Variants in HYDIN observed in about 807,000 individuals in gnomAD.
HYDIN encodes the protein HYDIN axonemal central pair apparatus protein.
In HYDIN, 132 loss-of-function variants were observed where a neutral mutation model predicts 403.9. The observed-to-expected ratio is 0.33, with a 90% CI of 0.28 to 0.38. The LOEUF is 0.38. Among genes scored for constraint, HYDIN ranks in the 10% least tolerant of loss-of-function variants. The pLI is 1.00. For missense variants in HYDIN, 2,827 were observed against 5,009.5 expected (o/e 0.56, Z 13.15); for synonymous variants, 1,202 against 1,891.7 (o/e 0.64, Z 9.46).
At chr16:70,916,872 CCT>C (rs767528641) in intron 47 of HYDIN, among the ~76,000 whole-genome samples, 2 of 151,772 alleles carry the variant, frequency 1.3e-5, no homozygotes, top group African/African-American at 2.4e-5. Flanking sequence ...TTGCTTCCTT[CCT>C]CTGTTTTTCT....
chr16:70,833,367 CAT>C (rs1200418068), intron 79 of HYDIN, among the ~76,000 whole-genome samples: 9 of 137,336 alleles, frequency 6.6e-5, no homozygotes, highest in African/African-American at 1.2e-4. Flanking sequence ...CACACATACA[CAT>C]GTGTCGTGTA....
chr16:70,804,319 G>T lies in HYDIN; in HGVS notation c.*3261C>A, dbSNP rs145623674. ...TTTGTGTGCCCACTGTGCAGTAACA[G>T]ACCAATGCACAGAGACAGTGGGGAT... On this transcript the variant is annotated 3_prime_UTR_variant, in exon 86 of 86. Transcript: ENST00000393567. Among the ~76,000 whole-genome samples the T allele has an allele frequency of 6.6e-6, 1 of 152,318 alleles. No homozygotes were observed. Among genetic ancestry groups the T allele is most frequent in the Non-Finnish European group, 1.5e-5 (1 of 68,030 alleles).
At position 71,178,438 on chromosome 16, in the gene HYDIN, T is replaced by A. The variant is rs867283786; in HGVS notation, c.381+490A>T. Among the ~76,000 whole-genome samples, 716 of 135,500 alleles carry A rather than the reference T, an allele frequency of 5.3e-3. 10 individuals are homozygous for A. Among genetic ancestry groups the A allele is most frequent in the African/African-American group, 0.018 (685 of 37,044 alleles). 88.9% of individuals were successfully genotyped at this position (135,500 alleles called of 152,430 possible). ...CTGTCTCAAAAAAAAAAAAAAAATATATATATATATATATGTATATATATA... is the reference window on the plus strand; with the variant it reads ...CTGTCTCAAAAAAAAAAAAAAAATAAATATATATATATATGTATATATATA... On this transcript the variant is annotated intron_variant, in intron 4 of 85. Coordinates refer to ENST00000393567, the MANE Select transcript of HYDIN (RefSeq NM_001270974.2).
intron 5 of HYDIN, among the ~76,000 whole-genome samples, chr16:71,169,772 A>C (rs2086386927): frequency 6.6e-6 from 1 of 152,218 alleles, no homozygotes; most frequent in Non-Finnish European, 1.5e-5. Context: ...GTATTGTAAA[A>C]TTGAAAATTG....
At chr16:70,982,320 C>G (rs1253503007) in intron 28 of HYDIN, among the ~76,000 whole-genome samples, 1 of 150,844 alleles carries the variant, frequency 6.6e-6, no homozygotes, top group Non-Finnish European at 1.5e-5. Flanking sequence ...TATACAGAAG[C>G]TGAAAAATGA....
chr16:70,900,203 G>C (rs1798465), intron 53 of HYDIN, among the ~76,000 whole-genome samples: 1 of 152,104 alleles, frequency 6.6e-6, no homozygotes, highest in African/African-American at 2.4e-5. Flanking sequence ...AGATACATCG[G>C]GAGGCACCAT....
At chr16:71,165,255 TC>T (rs2086169373) in intron 5 of HYDIN, among the ~76,000 whole-genome samples, 1 of 151,378 alleles carries the variant, frequency 6.6e-6, no homozygotes, top group East Asian at 1.9e-4. Flanking sequence ...CTCCCCTGGT[TC>T]CCCCTGCAGC....
chr16:71,052,527 TAGA>T (rs1406955838), intron 18 of HYDIN, among the ~76,000 whole-genome samples: 1 of 149,436 alleles, frequency 6.7e-6, no homozygotes, highest in Non-Finnish European at 1.5e-5. Flanking sequence ...CCTATTCAAA[TAGA>T]AGGACAGGGA....
chr16:71,039,620 G>A (rs973596448), intron 18 of HYDIN, among the ~76,000 whole-genome samples: 3 of 152,092 alleles, frequency 2.0e-5, no homozygotes, highest in African/African-American at 7.2e-5. Flanking sequence ...ATTACAGAGG[G>A]GACACTTTGA....
chr16:71,033,320 CTTAA>C (rs371737826), intron 18 of HYDIN, among the ~76,000 whole-genome samples: 1 of 152,190 alleles, frequency 6.6e-6, no homozygotes, highest in African/African-American at 2.4e-5. Flanking sequence ...TGAAATTGGG[CTTAA>C]TTATCAGGTG....
intron 8 of HYDIN, among the ~76,000 whole-genome samples, chr16:71,136,778 A>C (rs7192570): frequency 0.084 from 12,641 of 150,888 alleles, 1,813 homozygotes; most frequent in African/African-American, 0.29. Flanking sequence ...AAAAAAAAAA[A>C]AACAAAAAAA....
chr16:70,928,935 G>T lies in HYDIN; in HGVS notation c.7158+7017C>A, dbSNP rs921776917. 2.3e-5 allele frequency among the ~76,000 whole-genome samples: 3 copies of T among 133,032 alleles called. No homozygotes were observed. In the East Asian group the frequency reaches 6.6e-4, roughly 29 times the overall value. 87.3% of individuals were successfully genotyped at this position (133,032 alleles called of 152,430 possible). A position where few individuals can be genotyped will look rare whatever the true frequency, so the allele number is the denominator to read the frequency against. ...GAAAGTTCAAAGTAGAAACAAGGAC[G>T]ATGGCCAGATGCAAGGCTTTCTTCT... On this transcript the variant is annotated intron_variant, in intron 45 of 85. Coordinates refer to ENST00000393567, the MANE Select transcript of HYDIN (RefSeq NM_001270974.2).
chr16:70,867,117 AAAC>A (rs1443355532), intron 66 of HYDIN, among the ~76,000 whole-genome samples: 5 of 148,988 alleles, frequency 3.4e-5, no homozygotes, highest in Non-Finnish European at 7.4e-5. Context: ...ATAAAAAATA[AAAC>A]AACTCACACA....
At chr16:71,120,627 C>A (rs909340407) in intron 9 of HYDIN, among the ~76,000 whole-genome samples, 1 of 151,970 alleles carries the variant, frequency 6.6e-6, no homozygotes, top group African/African-American at 2.4e-5. Context: ...CCTTGAAAAT[C>A]CTTAAACAAA....
At chr16:71,098,756 A>T (rs76304317) in intron 10 of HYDIN, among the ~76,000 whole-genome samples, 1 of 146,358 alleles carries the variant, frequency 6.8e-6, no homozygotes, top group African/African-American at 2.5e-5. Flanking sequence ...AAAAAAAAAA[A>T]GGAGATGTGT....
intron 35 of HYDIN, among the ~76,000 whole-genome samples, chr16:70,972,816 A>G (rs889634144): frequency 2.6e-5 from 4 of 152,234 alleles, no homozygotes; most frequent in African/African-American, 7.2e-5. Flanking sequence ...CCTGTAATCA[A>G]ACACATTAAC....
intron 20 of HYDIN, chr16:71,027,377 C>T (rs1281891391): frequency 7.7e-6 from 11 of 1,423,186 alleles, no homozygotes; most frequent in Admixed American, 3.0e-5. Context: ...GGCATGAGAA[C>T]CTCCTTTAAG....
At chr16:70,832,756 G>T in intron 80 of HYDIN, 92 bp downstream of exon 80, 1 of 943,436 alleles carries the variant, frequency 1.1e-6, no homozygotes, top group Non-Finnish European at 1.7e-6. Context: ...GTGGAGGGAG[G>T]GGGCAGGCCT....
chr16:71,036,493 G>T (rs1490194484), intron 18 of HYDIN, among the ~76,000 whole-genome samples: 1 of 143,806 alleles, frequency 7.0e-6, no homozygotes, highest in African/African-American at 2.6e-5. Flanking sequence ...CTAGCTGGTA[G>T]CACAGGCCAA....
Sources: gnomAD v4.1 joint callset for allele counts (sites outside exome capture counted in the v4.1 genomes callset) on GRCh38, gnomAD v4.1.1 for gene constraint, MANE v1.5 for transcripts, NCBI Gene and HGNC (gene_info 2026-07-23, HGNC 2026-07-21) for gene names.